AZIN2: variants seen among roughly 807,000 people sequenced by gnomAD.
AZIN2 encodes antizyme inhibitor 2.
AZIN2 carries 28 observed loss-of-function variants against 47.8 expected under a neutral mutation model. The observed-to-expected ratio is 0.59, with a 90% CI of 0.43 to 0.80. The LOEUF (loss-of-function observed/expected upper bound fraction) is 0.80. Among genes scored for constraint, AZIN2 ranks in the 30% least tolerant of loss-of-function variants. The pLI is 0.00. For missense variants in AZIN2, 535 were observed against 582.5 expected, an observed-to-expected ratio of 0.92 and a Z score of 0.84; for synonymous variants, 221 against 239.4, an observed-to-expected ratio of 0.92 and a Z score of 0.71.
the AZIN2 span, among the ~76,000 whole-genome samples, chr1:33,158,081 C>G: frequency 6.6e-6 from 1 of 152,192 alleles, no homozygotes; most frequent in African/African-American, 2.4e-5. Flanking sequence ...TGAAGGTCCA[C>G]TGAGCTGAGT....
At chr1:33,129,183 G>A in the AZIN2 span, among the ~76,000 whole-genome samples, 3 of 152,142 alleles carry the variant, frequency 2.0e-5, no homozygotes, top group South Asian at 2.1e-4. This position sits in a 1 kb window ranked among gnomAD's most constrained non-coding sequence, Gnocchi z 4.1. Flanking sequence ...GGCATATTAC[G>A]AAGAAGTGAT....
At chr1:33,124,781 T>A (rs1210080966), downstream of AZIN2, among the ~76,000 whole-genome samples, 1 of 152,216 alleles carries the variant, frequency 6.6e-6, no homozygotes, top group Non-Finnish European at 1.5e-5. The surrounding 1 kb of genome is among the most constrained non-coding windows in gnomAD (Gnocchi z 4.6). Flanking sequence ...TTTGGTTTTT[T>A]GTTCTTGTGA....
chr1:33,156,630 C>T, the AZIN2 span, among the ~76,000 whole-genome samples: 5 of 152,144 alleles, frequency 3.3e-5, no homozygotes, highest in South Asian at 2.1e-4. Flanking sequence ...CTTTTCTATC[C>T]GCCCCCACTT....
chr1:33,151,538 C>A, the AZIN2 span, among the ~76,000 whole-genome samples: 4 of 152,160 alleles, frequency 2.6e-5, no homozygotes, highest in African/African-American at 7.2e-5. Context: ...ACCCCTTCCC[C>A]CTCTGAGAAG....
chr1:33,134,894 T>C, the AZIN2 span, among the ~76,000 whole-genome samples: 1 of 152,232 alleles, frequency 6.6e-6, no homozygotes, highest in African/African-American at 2.4e-5. Flanking sequence ...ACCCCTGGCC[T>C]CAGCCTCACC....
At chr1:33,163,886 G>A in the AZIN2 span, 1 of 153,034 alleles carries the variant, frequency 6.5e-6, no homozygotes, top group Non-Finnish European at 1.5e-5. Context: ...AACTCGAGGG[G>A]GATGTGGCCC....
At chr1:33,101,918 T>C (rs1352415026) in intron 10 of AZIN2, 3 of 776,886 alleles carry the variant, frequency 3.9e-6, no homozygotes, top group Admixed American at 1.7e-5. Context: ...TATGCTGCAG[T>C]TTATTTGTCC....
At chr1:33,108,871 C>A (rs1644150782) in intron 10 of AZIN2, among the ~76,000 whole-genome samples, 2 of 152,152 alleles carry the variant, frequency 1.3e-5, no homozygotes, top group African/African-American at 4.8e-5. Flanking sequence ...ATTTTTAACT[C>A]CTTTGGGTAA....
chr1:33,091,226 G>A (rs912081552), intron 5 of AZIN2, among the ~76,000 whole-genome samples: 5 of 152,114 alleles, frequency 3.3e-5, no homozygotes, highest in African/African-American at 1.2e-4. Flanking sequence ...TTGGATTGCT[G>A]GATCATATGG....
the AZIN2 span, among the ~76,000 whole-genome samples, chr1:33,130,186 A>G: frequency 6.6e-6 from 1 of 152,218 alleles, no homozygotes; most frequent in Non-Finnish European, 1.5e-5. Context: ...ATGGTGCACT[A>G]GGAGGCAAGG....
rs546473626 is a variant in AZIN2, at chr1:33,083,868, G to A, written c.106-86G>A. 235 of 1,523,110 alleles carry A rather than the reference G, an allele frequency of 1.5e-4. No individual in the cohort carries two copies. In the African/African-American group the frequency reaches 2.8e-3, roughly 18 times the overall value. The allele number at this position is 1,523,110 out of a possible 1,614,324, so 94.3% of individuals were successfully genotyped here. A position where few individuals can be genotyped will look rare whatever the true frequency, so the allele number is the denominator to read the frequency against. On this transcript the variant is annotated intron_variant, in intron 4 of 11. Transcript: ENST00000294517. ...AGCTCTGTGGCCAGTACTGAACCTG[G>A]GTCAGGTACTTGGAAGGATCACGGA...
intron 5 of AZIN2, among the ~76,000 whole-genome samples, chr1:33,087,750 T>A (rs901368861): frequency 1.0e-4 from 15 of 146,124 alleles, no homozygotes; most frequent in African/African-American, 3.3e-4. Context: ...ATGCATTCTT[T>A]AAAAAAAAAA....
At chr1:33,160,962 G>A in the AZIN2 span, among the ~76,000 whole-genome samples, 2 of 152,230 alleles carry the variant, frequency 1.3e-5, no homozygotes. Context: ...CTCAGGAAGG[G>A]TGAAGTAGTG....
chr1:33,109,457 T>A (rs950795422), intron 10 of AZIN2, among the ~76,000 whole-genome samples: 1 of 152,018 alleles, frequency 6.6e-6, no homozygotes, highest in Non-Finnish European at 1.5e-5. Flanking sequence ...GCCTCTTGAA[T>A]GGCTGGGATT....
the AZIN2 span, chr1:33,147,291 G>A: frequency 1.9e-6 from 3 of 1,614,068 alleles, no homozygotes; most frequent in African/African-American, 2.7e-5. The surrounding 1 kb of genome is among the most constrained non-coding windows in gnomAD (Gnocchi z 8.1). Context: ...GGAAGGTGTA[G>A]AGCCAGGACA....
chr1:33,102,816 T>C (rs886802148), intron 10 of AZIN2, among the ~76,000 whole-genome samples: 8 of 152,200 alleles, frequency 5.3e-5, no homozygotes, highest in Non-Finnish European at 1.2e-4. Flanking sequence ...TTGAGATTCC[T>C]ACTGGGATTT....
At chr1:33,157,071 C>G in the AZIN2 span, among the ~76,000 whole-genome samples, 1 of 151,782 alleles carries the variant, frequency 6.6e-6, no homozygotes. Flanking sequence ...CAAAGGGATC[C>G]TTAAAAAACT....
intron 10 of AZIN2, among the ~76,000 whole-genome samples, chr1:33,111,463 A>C (rs964013115): frequency 6.6e-6 from 1 of 152,210 alleles, no homozygotes; most frequent in African/African-American, 2.4e-5. Flanking sequence ...TAGAAATAAG[A>C]TAATATAACT....
chr1:33,151,142 T>C, the AZIN2 span, among the ~76,000 whole-genome samples: 1 of 151,990 alleles, frequency 6.6e-6, no homozygotes, highest in Non-Finnish European at 1.5e-5. Flanking sequence ...ACAAGGGGGC[T>C]CTCCGTGGGT....
Sources: allele counts gnomAD v4.1 joint callset (sites outside exome capture counted in the v4.1 genomes callset), GRCh38; gene constraint gnomAD v4.1.1; non-coding constraint Gnocchi (gnomAD v3.1); transcripts MANE v1.5; gene names NCBI Gene and HGNC (gene_info 2026-07-23, HGNC 2026-07-21).